The following ERC2 variants were observed in gnomAD, a reference collection of about 807,000 sequenced individuals.
The protein encoded by ERC2 is ERC protein 2.
Under a neutral mutation model 114.8 loss-of-function variants are expected in ERC2, and 42 were observed. That is an observed-to-expected ratio of 0.37 (90% confidence interval 0.29 to 0.47). ERC2 has a LOEUF of 0.47. Among genes scored for constraint, ERC2 ranks in the 20% least tolerant of loss-of-function variants. ERC2 has a pLI of 0.99. For missense variants in ERC2, 939 were observed against 1,150.7 expected (o/e 0.82, Z 2.66); for synonymous variants, 454 against 425.5 (o/e 1.07, Z -0.82).
At chr3:56,442,815 T>A (rs2107459797) in intron 1 of ERC2, among the ~76,000 whole-genome samples, 1 of 152,340 alleles carries the variant, frequency 6.6e-6, no homozygotes, top group East Asian at 1.9e-4. Flanking sequence ...TTTTTAAGCA[T>A]CAGCTTAACT....
At chr3:55,724,000 G>C (rs1438628318) in intron 15 of ERC2, among the ~76,000 whole-genome samples, 1 of 152,124 alleles carries the variant, frequency 6.6e-6, no homozygotes, top group Non-Finnish European at 1.5e-5. Flanking sequence ...GGAACGGAGG[G>C]AGAGAGAGAA....
At chr3:55,990,518 G>A (rs1341635732) in intron 11 of ERC2, among the ~76,000 whole-genome samples, 1 of 152,016 alleles carries the variant, frequency 6.6e-6, no homozygotes, top group South Asian at 2.1e-4. Flanking sequence ...TTGAACTCCT[G>A]GACTCAAGTG....
At chr3:56,078,761 T>C (rs577845031) in intron 7 of ERC2, among the ~76,000 whole-genome samples, 112 of 152,058 alleles carry the variant, frequency 7.4e-4, no homozygotes, top group African/African-American at 2.6e-3. Context: ...ATTTAGTATC[T>C]TTTGGGTACT....
chr3:55,594,210 C>T (rs912692959), intron 17 of ERC2, among the ~76,000 whole-genome samples: 2 of 152,144 alleles, frequency 1.3e-5, no homozygotes, highest in Non-Finnish European at 2.9e-5. Context: ...ATGGCAGATA[C>T]ATGTTCAAGG....
At chr3:55,933,786 C>T (rs185141857) in intron 13 of ERC2, among the ~76,000 whole-genome samples, 50 of 152,294 alleles carry the variant, frequency 3.3e-4, no homozygotes, top group Admixed American at 3.2e-3. Context: ...AACCCTTTGC[C>T]CACCTCCAGT....
chr3:55,733,527 T>G, intron 15 of ERC2, among the ~76,000 whole-genome samples: 2 of 95,678 alleles, frequency 2.1e-5, no homozygotes, highest in East Asian at 2.9e-4. Context: ...CTGTCTCTCA[T>G]TCTTTCTCTC....
chr3:55,845,777 G>C (rs1278407672), intron 14 of ERC2, among the ~76,000 whole-genome samples: 2 of 152,236 alleles, frequency 1.3e-5, no homozygotes. Context: ...GTAAAGGCAA[G>C]ACAATAACTC....
At chr3:56,214,300 G>A (rs562234898) in intron 3 of ERC2, among the ~76,000 whole-genome samples, 1 of 151,886 alleles carries the variant, frequency 6.6e-6, no homozygotes, top group South Asian at 2.1e-4. Flanking sequence ...GCCCTTAAAG[G>A]ACCTGATGGA....
intron 2 of ERC2, among the ~76,000 whole-genome samples, chr3:56,346,411 C>A (rs2058309490): frequency 6.6e-6 from 1 of 152,034 alleles, no homozygotes; most frequent in Admixed American, 6.6e-5. Context: ...AAAACTTAAA[C>A]ATAAGACCTT....
chr3:56,247,810 C>T (rs929771401), intron 3 of ERC2, among the ~76,000 whole-genome samples: 1 of 152,224 alleles, frequency 6.6e-6, no homozygotes, highest in African/African-American at 2.4e-5. Context: ...CCAGCTCCTG[C>T]TCTATGACCT....
At chr3:56,266,971 A>G (rs11718248) in intron 3 of ERC2, among the ~76,000 whole-genome samples, 104,558 of 151,998 alleles carry the variant, frequency 0.69, 36,997 homozygotes, top group Non-Finnish European at 0.76. Flanking sequence ...GGGAACAACC[A>G]AAGTGTCTGT....
chr3:56,171,673 T>C (rs562101603), intron 4 of ERC2, among the ~76,000 whole-genome samples: 3 of 151,956 alleles, frequency 2.0e-5, no homozygotes, highest in Non-Finnish European at 4.4e-5. Context: ...TTTTTTATAA[T>C]AAAACATAAT....
intron 14 of ERC2, among the ~76,000 whole-genome samples, chr3:55,813,817 A>G (rs4493400): frequency 0.13 from 20,466 of 152,224 alleles, 1,548 homozygotes; most frequent in East Asian, 0.22. Context: ...TTCCTTCAAA[A>G]TTATTTCTCC....
intron 12 of ERC2, among the ~76,000 whole-genome samples, chr3:55,979,179 G>T (rs545473945): frequency 7.2e-5 from 11 of 152,142 alleles, no homozygotes; most frequent in Admixed American, 6.5e-4. Flanking sequence ...ATAGCAGAGG[G>T]CTCTGCAGTT....
intron 3 of ERC2, among the ~76,000 whole-genome samples, chr3:56,258,418 G>A (rs1467239157): frequency 3.3e-5 from 5 of 152,212 alleles, no homozygotes; most frequent in African/African-American, 4.8e-5. Context: ...AGCACTTTGG[G>A]AGGTGGAGGC....
intron 13 of ERC2, among the ~76,000 whole-genome samples, chr3:55,947,390 A>T (rs2067193504): frequency 6.6e-6 from 1 of 152,192 alleles, no homozygotes; most frequent in African/African-American, 2.4e-5. Context: ...GATTGGCCTC[A>T]GTTCTCCACC....
chr3:56,442,598 A>AT, intron 1 of ERC2, among the ~76,000 whole-genome samples: 1 of 152,166 alleles, frequency 6.6e-6, no homozygotes, highest in Non-Finnish European at 1.5e-5. Context: ...AGTCTGACAA[A>AT]TGTTCAGATA....
chr3:55,697,946 C>T (rs969449470), intron 16 of ERC2, among the ~76,000 whole-genome samples: 1 of 151,742 alleles, frequency 6.6e-6, no homozygotes, highest in African/African-American at 2.4e-5. Flanking sequence ...AGCAGGATGC[C>T]AGGTCTACTG....
chr3:55,650,967 C>T (rs1261528817), intron 17 of ERC2, among the ~76,000 whole-genome samples: 1 of 151,664 alleles, frequency 6.6e-6, no homozygotes, highest in Non-Finnish European at 1.5e-5. Flanking sequence ...CCTGCCTCAG[C>T]CTCCCAAGTA....
Sources: gnomAD v4.1 joint callset for allele counts (sites outside exome capture counted in the v4.1 genomes callset) on GRCh38, gnomAD v4.1.1 for gene constraint, MANE v1.5 for transcripts, NCBI Gene and HGNC (gene_info 2026-07-23, HGNC 2026-07-21) for gene names.